CTNNA3: variants seen among roughly 807,000 people sequenced by gnomAD.
CTNNA3 encodes catenin alpha-3.
In CTNNA3, 76 loss-of-function variants were observed where a neutral mutation model predicts 95.7. That is an observed-to-expected ratio of 0.79 (90% CI 0.66 to 0.96). The LOEUF is 0.96. Among genes scored for constraint, CTNNA3 ranks in the 40% least tolerant of loss-of-function variants. The probability of loss-of-function intolerance (pLI) is 0.00; values close to 1 mark genes in which losing one functional copy is unlikely to be tolerated. For synonymous variants in CTNNA3, 431 were observed against 374.4 expected (o/e 1.15, Z -1.74); for missense variants, 1,191 against 1,089.8 (o/e 1.09, Z -1.31).
intron 12 of CTNNA3, among the ~76,000 whole-genome samples, chr10:66,375,247 T>C (rs76812989): frequency 6.7e-6 from 1 of 150,124 alleles, no homozygotes; most frequent in Non-Finnish European, 1.5e-5. Flanking sequence ...AAAAAAAAGT[T>C]AGAAATAAAA....
At chr10:66,113,561 C>T (rs2082199182) in intron 13 of CTNNA3, among the ~76,000 whole-genome samples, 2 of 152,066 alleles carry the variant, frequency 1.3e-5, no homozygotes, top group Admixed American at 6.6e-5. Flanking sequence ...TGACCTAAAA[C>T]AAGAACTTAA....
At chr10:66,021,409 G>A (rs10740216) in intron 15 of CTNNA3, among the ~76,000 whole-genome samples, 111,059 of 152,032 alleles carry the variant, frequency 0.73, 40,805 homozygotes, top group East Asian at 0.93. Context: ...TGTGTTTGTC[G>A]TTATTCTTTG....
At chr10:66,635,783 GCAAT>G (rs745318782) in intron 9 of CTNNA3, among the ~76,000 whole-genome samples, 1 of 152,172 alleles carries the variant, frequency 6.6e-6, no homozygotes, top group East Asian at 1.9e-4. Flanking sequence ...ATGACAGTAG[GCAAT>G]CAATCATCTG....
At chr10:65,993,668 A>G (rs930922331) in intron 15 of CTNNA3, among the ~76,000 whole-genome samples, 1 of 152,132 alleles carries the variant, frequency 6.6e-6, no homozygotes, top group Non-Finnish European at 1.5e-5. Context: ...GAGGCAGCAG[A>G]TAGTTGGGTC....
chr10:66,407,962 T>C (rs115438269), intron 11 of CTNNA3, among the ~76,000 whole-genome samples: 1 of 152,212 alleles, frequency 6.6e-6, no homozygotes, highest in Admixed American at 6.5e-5. Context: ...CTGGTATCAA[T>C]GCAGAGTTTG....
At chr10:67,221,465 G>C (rs1366726864) in intron 5 of CTNNA3, among the ~76,000 whole-genome samples, 1 of 152,200 alleles carries the variant, frequency 6.6e-6, no homozygotes, top group Non-Finnish European at 1.5e-5. Flanking sequence ...TCTTAGCCAA[G>C]TGGCAGAGCT....
At chr10:66,714,962 A>G (rs10997346) in intron 9 of CTNNA3, among the ~76,000 whole-genome samples, 4,942 of 151,970 alleles carry the variant, frequency 0.033, 214 homozygotes, top group East Asian at 0.22. Context: ...CCTCCTTCCC[A>G]CCCAGTGTTT....
intron 13 of CTNNA3, among the ~76,000 whole-genome samples, chr10:66,262,924 G>A (rs1316799063): frequency 6.6e-6 from 1 of 151,836 alleles, no homozygotes; most frequent in Admixed American, 6.6e-5. Flanking sequence ...CTGAAGTGGA[G>A]GAAGGTTCAT....
intron 5 of CTNNA3, among the ~76,000 whole-genome samples, chr10:67,420,553 A>C (rs952240615): frequency 3.9e-5 from 6 of 152,180 alleles, no homozygotes; most frequent in Non-Finnish European, 4.4e-5. Context: ...GGATTTTAGG[A>C]GGGTTCAATG....
chr10:67,411,687 T>C (rs1431972366), intron 5 of CTNNA3, among the ~76,000 whole-genome samples: 1 of 152,102 alleles, frequency 6.6e-6, no homozygotes, highest in African/African-American at 2.4e-5. Flanking sequence ...GAATAAAAAA[T>C]GATACTCTGG....
At chr10:66,443,574 G>A (rs1589257625) in intron 11 of CTNNA3, among the ~76,000 whole-genome samples, 2 of 152,178 alleles carry the variant, frequency 1.3e-5, no homozygotes, top group African/African-American at 4.8e-5. Context: ...GGTCTGGAGT[G>A]GACCTCTAGC....
chr10:66,217,059 T>C (rs1305858478), intron 13 of CTNNA3, among the ~76,000 whole-genome samples: 3 of 152,136 alleles, frequency 2.0e-5, no homozygotes, highest in South Asian at 2.1e-4. Context: ...GAATCCTATA[T>C]AAATGGAGTC....
intron 7 of CTNNA3, among the ~76,000 whole-genome samples, chr10:67,179,506 A>AC (rs1862407275): frequency 6.6e-6 from 1 of 151,502 alleles, no homozygotes; most frequent in East Asian, 1.9e-4. Flanking sequence ...AAAAAAAAAA[A>AC]AAAAAAAACT....
chr10:67,238,899 G>A (rs181957334), intron 5 of CTNNA3, among the ~76,000 whole-genome samples: 10 of 152,118 alleles, frequency 6.6e-5, no homozygotes, highest in Admixed American at 5.2e-4. Context: ...CATATTAGGA[G>A]TTTAATACAT....
chr10:65,993,292 C>G (rs895298817), intron 15 of CTNNA3, among the ~76,000 whole-genome samples: 1 of 151,756 alleles, frequency 6.6e-6, no homozygotes, highest in African/African-American at 2.4e-5. Flanking sequence ...TACAATGTTT[C>G]TTTTTAAATT....
intron 16 of CTNNA3, among the ~76,000 whole-genome samples, chr10:65,980,431 G>T (rs954727478): frequency 6.6e-6 from 1 of 151,242 alleles, no homozygotes; most frequent in East Asian, 1.9e-4. Context: ...CAATCCGATT[G>T]ACATTATTCC....
chr10:66,434,682 G>A (rs973561131), intron 11 of CTNNA3, among the ~76,000 whole-genome samples: 5 of 152,098 alleles, frequency 3.3e-5, no homozygotes, highest in African/African-American at 7.2e-5. Context: ...CCAATACTAT[G>A]TTGAATAGGA....
At chr10:67,471,909 G>A (rs1202033113) in intron 5 of CTNNA3, among the ~76,000 whole-genome samples, 1 of 152,100 alleles carries the variant, frequency 6.6e-6, no homozygotes, top group African/African-American at 2.4e-5. Flanking sequence ...ACAACTATAA[G>A]ATACACAGAT....
chr10:66,067,637 G>A (rs1472194189), intron 15 of CTNNA3, among the ~76,000 whole-genome samples: 1 of 152,096 alleles, frequency 6.6e-6, no homozygotes, highest in Admixed American at 6.5e-5. Context: ...AAAAAGTTTG[G>A]CCAGGTGCGG....
Sources: gnomAD v4.1 joint callset for allele counts (sites outside exome capture counted in the v4.1 genomes callset) on GRCh38, gnomAD v4.1.1 for gene constraint, MANE v1.5 for transcripts, NCBI Gene and HGNC (gene_info 2026-07-23, HGNC 2026-07-21) for gene names.